Variants in GRM8 observed in about 807,000 individuals in gnomAD.
GRM8 encodes glutamate metabotropic receptor 8.
Under a neutral mutation model 87.2 loss-of-function variants are expected in GRM8, and 47 were observed. That is an observed-to-expected ratio of 0.54 (90% CI 0.43 to 0.69). GRM8 has a LOEUF of 0.69. GRM8 is among the 30% of genes least tolerant of loss of function. GRM8 has a pLI of 0.00. For synonymous variants in GRM8, 396 were observed against 404.5 expected (o/e 0.98, Z 0.25); for missense variants, 1,019 against 1,139.2 (o/e 0.89, Z 1.52).
intron 6 of GRM8, among the ~76,000 whole-genome samples, chr7:126,837,260 G>A (rs1374567431): frequency 2.6e-5 from 4 of 152,090 alleles, no homozygotes; most frequent in African/African-American, 9.7e-5. Context: ...TGCCACATCA[G>A]GTATATCAAA....
chr7:127,160,537 A>G (rs17862307), intron 2 of GRM8, among the ~76,000 whole-genome samples: 203 of 75,046 alleles, frequency 2.7e-3, no homozygotes, highest in Middle Eastern at 0.018. Flanking sequence ...ACGCGCGCGC[A>G]CACACACACA....
intron 2 of GRM8, among the ~76,000 whole-genome samples, chr7:127,183,473 G>C (rs1174606631): frequency 6.6e-6 from 1 of 151,728 alleles, no homozygotes; most frequent in African/African-American, 2.4e-5. Flanking sequence ...AGTCTCAAGA[G>C]AAACTGAAAA....
chr7:126,540,790 G>A (rs1247965692), intron 8 of GRM8, among the ~76,000 whole-genome samples: 2 of 152,132 alleles, frequency 1.3e-5, no homozygotes, highest in African/African-American at 4.8e-5. Flanking sequence ...CCACTAAAGG[G>A]TATGGGATTT....
intron 9 of GRM8, among the ~76,000 whole-genome samples, chr7:126,495,088 T>C (rs1808540379): frequency 6.6e-6 from 1 of 152,034 alleles, no homozygotes; most frequent in Non-Finnish European, 1.5e-5. Flanking sequence ...CTATTAATAA[T>C]AGAAGCATTT....
At chr7:126,696,871 A>G (rs900195820) in intron 7 of GRM8, among the ~76,000 whole-genome samples, 2 of 152,138 alleles carry the variant, frequency 1.3e-5, no homozygotes. Context: ...TCTTCTGGTT[A>G]TACACCCAAA....
At chr7:126,473,586 T>G (rs947080352) in intron 9 of GRM8, among the ~76,000 whole-genome samples, 1 of 152,320 alleles carries the variant, frequency 6.6e-6, no homozygotes, top group Admixed American at 6.5e-5. Context: ...GAATTAATGC[T>G]GAAATGAGTT....
At chr7:127,164,346 G>T (rs1251972360) in intron 2 of GRM8, among the ~76,000 whole-genome samples, 2 of 152,058 alleles carry the variant, frequency 1.3e-5, no homozygotes, top group African/African-American at 4.8e-5. Context: ...TTATAGCAGT[G>T]CAAGAACGAC....
intron 9 of GRM8, among the ~76,000 whole-genome samples, chr7:126,451,897 C>T (rs1274159306): frequency 6.6e-6 from 1 of 151,742 alleles, no homozygotes; most frequent in African/African-American, 2.4e-5. Flanking sequence ...CTTTATCACA[C>T]TCCTTAGTAT....
chr7:126,701,532 A>G (rs1184518914), intron 7 of GRM8, among the ~76,000 whole-genome samples: 3 of 152,162 alleles, frequency 2.0e-5, no homozygotes, highest in South Asian at 4.1e-4. Flanking sequence ...AGATGTTTTT[A>G]AAAATCTGTT....
chr7:127,139,412 A>T (rs943652382), intron 2 of GRM8, among the ~76,000 whole-genome samples: 2 of 152,130 alleles, frequency 1.3e-5, no homozygotes, highest in Non-Finnish European at 2.9e-5. Flanking sequence ...ACCATCTTGA[A>T]AAATGGAGCC....
chr7:126,850,869 A>G lies in GRM8; in HGVS notation c.1156+51673T>C, dbSNP rs201604488. Among the ~76,000 whole-genome samples the G allele has an allele frequency of 7.2e-5, 11 of 152,256 alleles. No individual in the cohort carries two copies. The East Asian group carries it at 1.9e-3, about 27-fold the overall frequency. ...AACAGGGGAACACCAGGGCTTAGGT[A>G]ACAGTGCGAGGCAGGCTCCTGAATG... On this transcript the variant is annotated intron_variant, in intron 6 of 10. Transcript: ENST00000339582.
intron 7 of GRM8, among the ~76,000 whole-genome samples, chr7:126,769,564 T>C (rs1818592657): frequency 6.6e-6 from 1 of 152,140 alleles, no homozygotes. Flanking sequence ...CAAAGAAATC[T>C]AATGTCAATG....
At chr7:126,738,422 C>T (rs1003049596) in intron 7 of GRM8, among the ~76,000 whole-genome samples, 1 of 152,006 alleles carries the variant, frequency 6.6e-6, no homozygotes, top group Admixed American at 6.6e-5. Context: ...CGGTGAAATA[C>T]TGAAAGCAAG....
chr7:127,226,515 T>G (rs969921879), intron 2 of GRM8, among the ~76,000 whole-genome samples: 9 of 152,190 alleles, frequency 5.9e-5, no homozygotes, highest in Non-Finnish European at 8.8e-5. Flanking sequence ...TTCCCTGAAT[T>G]TTTTGGAAAC....
At chr7:126,681,846 AAAAAGAAAATCCATTCTTT>A (rs1466887775) in intron 7 of GRM8, among the ~76,000 whole-genome samples, 2 of 152,228 alleles carry the variant, frequency 1.3e-5, no homozygotes, top group Non-Finnish European at 2.9e-5. Flanking sequence ...AGTTTTCCAG[AAAAAGAAAATCCATTCTTT>A]AAACTTTGAA....
chr7:126,788,912 T>C (rs988044986), intron 6 of GRM8, among the ~76,000 whole-genome samples: 6 of 152,304 alleles, frequency 3.9e-5, no homozygotes, highest in African/African-American at 1.4e-4. Context: ...TTCATATTGC[T>C]CAGAGTGTAT....
At chr7:127,132,158 T>C (rs767936177) in intron 2 of GRM8, among the ~76,000 whole-genome samples, 2 of 152,188 alleles carry the variant, frequency 1.3e-5, no homozygotes, top group Non-Finnish European at 2.9e-5. Flanking sequence ...ATCAGGGTCT[T>C]GCTTTGTTAG....
intron 7 of GRM8, among the ~76,000 whole-genome samples, chr7:126,757,749 G>A (rs77892358): frequency 6.6e-6 from 1 of 152,076 alleles, no homozygotes; most frequent in Admixed American, 6.6e-5. Context: ...CTCTTTCCCA[G>A]GCAACGACTA....
intron 1 of GRM8, among the ~76,000 whole-genome samples, chr7:127,251,429 G>A (rs970511084): frequency 1.3e-5 from 2 of 152,084 alleles, no homozygotes; most frequent in Non-Finnish European, 2.9e-5. Context: ...GATGGGCTTC[G>A]CGCTTGGCAT....
Sources: allele counts gnomAD v4.1 joint callset (sites outside exome capture counted in the v4.1 genomes callset), GRCh38; gene constraint gnomAD v4.1.1; transcripts MANE v1.5; gene names NCBI Gene and HGNC (gene_info 2026-07-23, HGNC 2026-07-21).